Variants in CPNE4 observed in about 807,000 individuals in gnomAD.
CPNE4 encodes the protein copine 4.
CPNE4 carries 25 observed loss-of-function variants against 67.9 expected under a neutral mutation model. The observed-to-expected ratio is 0.37, with a 90% CI of 0.27 to 0.51. CPNE4 has a LOEUF of 0.51. Among genes scored for constraint, CPNE4 ranks in the 20% least tolerant of loss-of-function variants. The pLI is 0.93. For synonymous variants in CPNE4, 242 were observed against 244.9 expected, an observed-to-expected ratio of 0.99 and a Z score of 0.11; for missense variants, 464 against 690.8, an observed-to-expected ratio of 0.67 and a Z score of 3.68.
intron 1 of CPNE4, among the ~76,000 whole-genome samples, chr3:131,935,224 G>T (rs1187538671): frequency 6.6e-6 from 1 of 152,100 alleles, no homozygotes; most frequent in Non-Finnish European, 1.5e-5. Context: ...CTGGGATCAG[G>T]CAGTTGCAAT....
chr3:132,024,953 T>C lies in CPNE4; in HGVS notation c.-2+9614A>G, dbSNP rs1422783461. On this transcript the variant is annotated intron_variant, in intron 1 of 15. Transcript: ENST00000429747. ...ATTTAAGGCACTGGTTCCCAAAGTG[T>C]GGTGTCCAAACTAGTAGCATCAGTA... is the stretch of plus-strand genomic sequence containing the variant. 3.3e-5 allele frequency among the ~76,000 whole-genome samples: 5 copies of C among 152,182 alleles called. No homozygotes were observed. In the South Asian group the frequency reaches 8.3e-4, roughly 25 times the overall value.
intron 14 of CPNE4, 174 bp from the exon 15 acceptor site, chr3:131,542,967 T>C: frequency 1.7e-6 from 1 of 587,232 alleles, no homozygotes; most frequent in South Asian, 2.1e-5. Flanking sequence ...TTCTGATGAA[T>C]GGAGCTTAAA....
chr3:131,704,871 G>C (rs192708090), intron 3 of CPNE4, among the ~76,000 whole-genome samples: 133 of 150,110 alleles, frequency 8.9e-4, no homozygotes, highest in African/African-American at 3.2e-3. Flanking sequence ...CCATATTGAA[G>C]CTGTAACCCC....
At position 131,543,720 on chromosome 3, in the gene CPNE4, T is replaced by C. The variant is rs183918528; in HGVS notation, c.1303-927A>G. On this transcript the variant is annotated intron_variant, in intron 14 of 15. Coordinates refer to ENST00000429747, the MANE Select transcript of CPNE4 (RefSeq NM_130808.3). ...AGTTACTGAAGAATTTAAAACTGTA[T>C]ACATAACTTGTGTTATATTTCCACT... is the stretch of plus-strand genomic sequence containing the variant. Among the ~76,000 whole-genome samples the C allele has an allele frequency of 4.0e-3, 613 of 152,354 alleles. 4 individuals are homozygous for C. Among genetic ancestry groups the C allele is most frequent in the African/African-American group, 0.014 (573 of 41,594 alleles).
upstream of CPNE4, among the ~76,000 whole-genome samples, chr3:132,038,536 T>C (rs2074371537): frequency 6.6e-6 from 1 of 152,250 alleles, no homozygotes; most frequent in Admixed American, 6.5e-5. Flanking sequence ...AGTGATGTTA[T>C]AAAGGCCACT....
At chr3:131,767,378 C>T (rs2083047976) in intron 2 of CPNE4, among the ~76,000 whole-genome samples, 2 of 151,958 alleles carry the variant, frequency 1.3e-5, no homozygotes. Flanking sequence ...TTAGAGGTGG[C>T]CCTTTACAGA....
At chr3:131,665,155 G>A (rs2080226286) in intron 7 of CPNE4, among the ~76,000 whole-genome samples, 1 of 152,072 alleles carries the variant, frequency 6.6e-6, no homozygotes, top group Non-Finnish European at 1.5e-5. Context: ...GAGCCCAGGA[G>A]TTCGAGACCA....
At chr3:131,899,624 C>T (rs1050124538) in intron 2 of CPNE4, among the ~76,000 whole-genome samples, 2 of 152,028 alleles carry the variant, frequency 1.3e-5, no homozygotes, top group Middle Eastern at 3.2e-3. Flanking sequence ...GCTATCTTTT[C>T]TAGTTAGTAA....
chr3:131,849,278 TAAAG>T (rs957312300), intron 2 of CPNE4, among the ~76,000 whole-genome samples: 4 of 152,238 alleles, frequency 2.6e-5, no homozygotes, highest in African/African-American at 9.6e-5. Context: ...TGCACTGCTA[TAAAG>T]AAATACCTGA....
intron 2 of CPNE4, among the ~76,000 whole-genome samples, chr3:131,794,759 C>T (rs1352531963): frequency 6.6e-6 from 1 of 152,166 alleles, no homozygotes; most frequent in Non-Finnish European, 1.5e-5. Flanking sequence ...TCCCTTAACT[C>T]CCTGGGTAGT....
intron 1 of CPNE4, among the ~76,000 whole-genome samples, chr3:131,980,582 A>G (rs1049956834): frequency 2.0e-5 from 3 of 151,930 alleles, no homozygotes; most frequent in Non-Finnish European, 4.4e-5. Flanking sequence ...ATTTCATTGA[A>G]TATTTCTCCC....
At chr3:131,788,471 T>C (rs1161508362) in intron 2 of CPNE4, among the ~76,000 whole-genome samples, 1 of 152,170 alleles carries the variant, frequency 6.6e-6, no homozygotes, top group African/African-American at 2.4e-5. Flanking sequence ...GTTTTTTAGG[T>C]ACCTAAGTGA....
intron 11 of CPNE4, among the ~76,000 whole-genome samples, chr3:131,556,068 G>A (rs575488902): frequency 1.6e-4 from 25 of 152,056 alleles, no homozygotes; most frequent in African/African-American, 4.6e-4. Context: ...AGACTGAATC[G>A]AAATGGATAT....
chr3:131,919,849 G>T (rs2070693245), intron 1 of CPNE4, among the ~76,000 whole-genome samples: 1 of 152,152 alleles, frequency 6.6e-6, no homozygotes, highest in South Asian at 2.1e-4. Flanking sequence ...TAATAAGCAA[G>T]TGAATCAGTG....
At chr3:131,565,307 C>T (rs567991544) in intron 10 of CPNE4, among the ~76,000 whole-genome samples, 5 of 152,044 alleles carry the variant, frequency 3.3e-5, no homozygotes, top group Middle Eastern at 3.4e-3. Flanking sequence ...ATTCCATTTC[C>T]TTCTGGGGTA....
chr3:131,941,716 C>A (rs574992078), intron 1 of CPNE4, among the ~76,000 whole-genome samples: 1 of 152,160 alleles, frequency 6.6e-6, no homozygotes, highest in South Asian at 2.1e-4. Context: ...TTAAGCCAAC[C>A]ACTTTCTCAG....
intron 1 of CPNE4, among the ~76,000 whole-genome samples, chr3:131,980,158 T>C (rs1351901555): frequency 2.0e-5 from 3 of 152,198 alleles, no homozygotes; most frequent in Admixed American, 1.3e-4. Context: ...TTGGATAACC[T>C]GATGAAAATG....
At chr3:131,604,294 GA>G (rs371926336) in intron 7 of CPNE4, among the ~76,000 whole-genome samples, 1 of 152,122 alleles carries the variant, frequency 6.6e-6, no homozygotes, top group East Asian at 1.9e-4. Flanking sequence ...ATTTGATATG[GA>G]GGAAAGATTT....
rs149495194 is a variant in CPNE4, at chr3:131,740,565, C to T, written c.181-16940G>A. On this transcript the variant is annotated intron_variant, in intron 2 of 15. Transcript: ENST00000429747. ...CTTACCTTTAAAATAGATACCGGAT[C>T]TCACGGCTTCTCACCTTCCCCACTG... Among the ~76,000 whole-genome samples the T allele has an allele frequency of 3.4e-4, 52 of 152,266 alleles. 2 individuals are homozygous for T. The Middle Eastern group carries it at 0.027, about 80-fold the overall frequency.
Sources: allele counts gnomAD v4.1 joint callset (sites outside exome capture counted in the v4.1 genomes callset), GRCh38; gene constraint gnomAD v4.1.1; transcripts MANE v1.5; gene names NCBI Gene and HGNC (gene_info 2026-07-23, HGNC 2026-07-21).